SIVA1: variants seen among roughly 807,000 people sequenced by gnomAD.
The protein encoded by SIVA1 is apoptosis regulatory protein Siva.
In SIVA1, 10 loss-of-function variants were observed where a neutral mutation model predicts 19.7. The ratio of observed to expected loss-of-function variants is 0.51; its 90% confidence interval spans 0.31 to 0.86. The LOEUF (loss-of-function observed/expected upper bound fraction) is 0.86. Ranked by LOEUF, SIVA1 falls within the 40% of genes least tolerant of loss-of-function variation. The pLI is 0.04. For synonymous variants in SIVA1, 130 were observed against 106.1 expected (o/e 1.23, Z -1.39); for missense variants, 241 against 245.2 (o/e 0.98, Z 0.11).
At chr14:104,754,903 G>A (rs1308703515) in intron 1 of SIVA1, among the ~76,000 whole-genome samples, 1 of 152,176 alleles carries the variant, frequency 6.6e-6, no homozygotes, top group Non-Finnish European at 1.5e-5. Context: ...GAGTTTCTGG[G>A]ATCTCTGCCT....
At chr14:104,756,336 C>T (rs1891887189) in intron 2 of SIVA1, 3 of 551,394 alleles carry the variant, frequency 5.4e-6, no homozygotes, top group African/African-American at 1.9e-5. Flanking sequence ...CAGCACTAGC[C>T]TCCAGGTAGC....
At chr14:104,758,471 G>T (rs552077956) in intron 3 of SIVA1, 150 of 150,210 alleles carry the variant, frequency 1.0e-3, no homozygotes, top group Non-Finnish European at 1.4e-3. Context: ...GGGTTCCCTA[G>T]CCTTTACCTT....
At chr14:104,753,409 G>A (rs1595222803) in intron 1 of SIVA1, 90 bp downstream of exon 1, 1 of 864,440 alleles carries the variant, frequency 1.2e-6, no homozygotes. Flanking sequence ...TGAGCGGGGG[G>A]CTGGAGGGCC....
At chr14:104,755,989 A>G in intron 2 of SIVA1, 165 bp downstream of exon 2, 1 of 729,656 alleles carries the variant, frequency 1.4e-6, no homozygotes, top group Non-Finnish European at 2.4e-6. Flanking sequence ...AGGAGGTCTC[A>G]CATTCAAGAC....
At position 104,759,565 on chromosome 14, in the gene SIVA1, A is replaced by G; in HGVS notation, c.*80A>G. 1.6e-6 allele frequency: 2 copies of G among 1,238,396 alleles called. No homozygotes were observed. Among genetic ancestry groups the G allele is most frequent in the Non-Finnish European group, 2.3e-6 (2 of 856,390 alleles). The allele number at this position is 1,238,396 out of a possible 1,614,324, so 76.7% of individuals were successfully genotyped here. On this transcript the variant is annotated 3_prime_UTR_variant, in exon 4 of 4. Coordinates refer to ENST00000329967, the MANE Select transcript of SIVA1 (RefSeq NM_006427.4). The surrounding 1 kb of genome is among the most constrained non-coding windows in gnomAD (Gnocchi z 4.2). Reference sequence around the variant, plus strand: ...CCCTGGACGAGCGCTCGGTGTTCACACTGAACTGTGGGGTCGACGGGAGGG... The same window carrying G: ...CCCTGGACGAGCGCTCGGTGTTCACGCTGAACTGTGGGGTCGACGGGAGGG...
At position 104,759,103 on chromosome 14, in the gene SIVA1, C is replaced by T. The variant is rs1364581953; in HGVS notation, c.471-325C>T. The T allele has an allele frequency of 4.7e-6, 1 of 211,290 alleles. No individual in the cohort carries two copies. Among genetic ancestry groups the T allele is most frequent in the Non-Finnish European group, 9.4e-6 (1 of 106,428 alleles). The allele number at this position is 211,290 out of a possible 1,614,324, so 13.1% of individuals were successfully genotyped here. On this transcript the variant is annotated intron_variant, in intron 3 of 3. Coordinates refer to ENST00000329967, the MANE Select transcript of SIVA1 (RefSeq NM_006427.4). The surrounding 1 kb of genome is among the most constrained non-coding windows in gnomAD (Gnocchi z 4.2). ...TCCTTCTGAGGCTGCAATGGAAAAC[C>T]TGTCCTGGCCTCTCTCCTGGCATCT...
chr14:104,756,216 C>A (rs1296470386), intron 2 of SIVA1: 3 of 436,618 alleles, frequency 6.9e-6, no homozygotes, highest in South Asian at 4.3e-5. Context: ...GTTGGTGTGT[C>A]TAGGAGGAGC....
chr14:104,758,490 T>G (rs1438719217), intron 3 of SIVA1: 2 of 121,604 alleles, frequency 1.6e-5, no homozygotes, highest in African/African-American at 6.4e-5. Flanking sequence ...TTTAGAGCTT[T>G]CTTTTTTTTT....
At chr14:104,757,429 G>A (rs1373415288) in intron 3 of SIVA1, 2 of 275,270 alleles carry the variant, frequency 7.3e-6, no homozygotes, top group African/African-American at 4.6e-5. Context: ...ATCTAAAATA[G>A]AAACCACATG....
rs373446738 is a variant in SIVA1, at chr14:104,753,559, C to T, written c.118+240C>T. 5.9e-5 allele frequency among the ~76,000 whole-genome samples: 9 copies of T among 152,340 alleles called. No homozygotes were observed. The East Asian group carries it at 7.7e-4, about 13-fold the overall frequency. The stretch of plus-strand genomic sequence containing the variant: ...GTCCAACAGCCTGAAAGAAAAGGGT[C>T]CCTGCCCCTAGCCCCCGCGCCCTCT... On this transcript the variant is annotated intron_variant, in intron 1 of 3. Transcript: ENST00000329967.
rs1891868042 is a variant in SIVA1, at chr14:104,755,816, C to T, written c.305C>T (p.Ser102Phe). The T allele has an allele frequency of 6.2e-7, 1 of 1,613,356 alleles. No individual in the cohort carries two copies. Among genetic ancestry groups the T allele is most frequent in the African/African-American group, 1.3e-5 (1 of 74,936 alleles). The change falls in exon 2 of 4, where the codon TCC becomes TTC. Residue 102 changes from serine (S) to phenylalanine (F), a missense_variant. Coordinates refer to ENST00000329967, the MANE Select transcript of SIVA1 (RefSeq NM_006427.4). ...GRLIRSLGQASEADPSGVASI... is the reference protein window; with the variant it reads ...GRLIRSLGQAFEADPSGVASI... ...CTGATCAGGAGCCTTGGGCAGGCCTCCGAAGCTGGTGAGTGGCACCAGCAG... is the reference window on the plus strand; with the variant it reads ...CTGATCAGGAGCCTTGGGCAGGCCTTCGAAGCTGGTGAGTGGCACCAGCAG...
chr14:104,757,138 A>T, intron 3 of SIVA1: 2 of 338,078 alleles, frequency 5.9e-6, no homozygotes, highest in Admixed American at 4.4e-5. Flanking sequence ...CACCACAGTC[A>T]TGCGTGCCGT....
chr14:104,756,350 G>A (rs1469139433), intron 2 of SIVA1: 1 of 567,016 alleles, frequency 1.8e-6, no homozygotes, highest in Non-Finnish European at 3.2e-6. Context: ...AGGTAGCAGA[G>A]GGACCTGGTA....
At chr14:104,754,376 A>G (rs1891816242) in intron 1 of SIVA1, among the ~76,000 whole-genome samples, 1 of 152,164 alleles carries the variant, frequency 6.6e-6, no homozygotes, top group Non-Finnish European at 1.5e-5. Context: ...AGCGAGTGCT[A>G]TTCTGGGCCA....
At position 104,759,500 on chromosome 14, in the gene SIVA1, G is replaced by C. The variant is rs981256096; in HGVS notation, c.*15G>C. 1.9e-6 allele frequency: 3 copies of C among 1,607,462 alleles called. No homozygotes were observed. The highest frequency in any genetic ancestry group is 1.7e-6 in the Non-Finnish European group (2 of 1,179,244). ...TCGAGACCTGAGGCTGGCTCAAGCCGGCTGCCTTCACCGGGAGCCACGCCG... is the reference window on the plus strand; with the variant it reads ...TCGAGACCTGAGGCTGGCTCAAGCCCGCTGCCTTCACCGGGAGCCACGCCG... On this transcript the variant is annotated 3_prime_UTR_variant, in exon 4 of 4. Transcript: ENST00000329967. This position sits in a 1 kb window ranked among gnomAD's most constrained non-coding sequence, Gnocchi z 4.2.
chr14:104,754,848 T>C (rs887059953), intron 1 of SIVA1, among the ~76,000 whole-genome samples: 2 of 152,200 alleles, frequency 1.3e-5, no homozygotes, highest in Non-Finnish European at 2.9e-5. Flanking sequence ...CCATGTGAGT[T>C]ACCCTGTCAC....
Position 104,759,431 on chromosome 14 carries a change from C to G in SIVA1, c.474C>G (p.Cys158Trp). Residue 158 changes from cysteine (C) to tryptophan (W), a missense_variant, in exon 4 of 4, where the codon TGC becomes TGG. Transcript: ENST00000329967. The surrounding 1 kb of genome is among the most constrained non-coding windows in gnomAD (Gnocchi z 4.2). The part of the protein sequence containing the change: ...VACTLCGLVD[C>W]SDMYEKVLCT... ...CCCCTCCCTGACGCTGTCGCAGCTG[C>G]AGTGACATGTACGAGAAAGTGCTGT... is the stretch of plus-strand genomic sequence containing the variant. The G allele has an allele frequency of 6.2e-7, 1 of 1,613,294 alleles. No homozygotes were observed. The highest frequency in any genetic ancestry group is 8.5e-7 in the Non-Finnish European group (1 of 1,179,726).
At chr14:104,754,768 C>T (rs1488356860) in intron 1 of SIVA1, among the ~76,000 whole-genome samples, 1 of 152,152 alleles carries the variant, frequency 6.6e-6, no homozygotes. Flanking sequence ...TTCCTTTCCC[C>T]TTATAGATGG....
intron 1 of SIVA1, among the ~76,000 whole-genome samples, chr14:104,754,797 A>G (rs1379258204): frequency 6.6e-6 from 1 of 152,168 alleles, no homozygotes. Context: ...GTGGGGGGCC[A>G]GGAGGAAGGT....
Sources: allele counts gnomAD v4.1 joint callset (sites outside exome capture counted in the v4.1 genomes callset), GRCh38; gene constraint gnomAD v4.1.1; non-coding constraint Gnocchi (gnomAD v3.1); transcripts MANE v1.5; gene names NCBI Gene and HGNC (gene_info 2026-07-23, HGNC 2026-07-21).